The following ZNF277 variants were observed in gnomAD, a reference collection of about 807,000 sequenced individuals.
The protein encoded by ZNF277 is zinc finger protein 277, also known as nuclear receptor-interacting factor 4.
A neutral mutation model predicts 60.7 loss-of-function variants in ZNF277; 55 were observed. The observed-to-expected ratio is 0.91, with a 90% CI of 0.73 to 1.13. ZNF277 has a LOEUF of 1.13. Ranked by LOEUF, ZNF277 falls within the 50% of genes most tolerant of loss-of-function variation. The pLI is 0.00. For synonymous variants in ZNF277, 178 were observed against 179.3 expected, an observed-to-expected ratio of 0.99 and a Z score of 0.06; for missense variants, 510 against 523.0, an observed-to-expected ratio of 0.98 and a Z score of 0.24.
chr7:112,339,507 C>G (rs565377626), intron 9 of ZNF277, among the ~76,000 whole-genome samples: 3 of 152,134 alleles, frequency 2.0e-5, no homozygotes, highest in Non-Finnish European at 4.4e-5. Flanking sequence ...TTAGTAGAGA[C>G]GGGGTTTTGC....
chr7:112,308,472 A>C (rs1485869433), intron 4 of ZNF277, among the ~76,000 whole-genome samples: 2 of 152,044 alleles, frequency 1.3e-5, no homozygotes, highest in Non-Finnish European at 2.9e-5. Flanking sequence ...AGTCGAGATC[A>C]TACCACTGCA....
rs201364999 is a variant in ZNF277 at position 112,307,566 on chromosome 7, C to T, written c.466-10616C>T. ...ACTGCCTGGGATTATAGGCGTGCAC[C>T]AGCATGCCTGGCTAATTTTTTTGTA... On this transcript the variant is annotated intron_variant, in intron 4 of 11. Coordinates refer to ENST00000361822, the MANE Select transcript of ZNF277 (RefSeq NM_021994.3). Among the ~76,000 whole-genome samples, 38 of 152,034 alleles carry T rather than the reference C, an allele frequency of 2.5e-4. 2 individuals carry two copies. The East Asian group carries it at 5.6e-3, about 23-fold the overall frequency.
chr7:112,315,090 A>G (rs4730528), intron 4 of ZNF277, among the ~76,000 whole-genome samples: 8,995 of 152,112 alleles, frequency 0.059, 722 homozygotes, highest in African/African-American at 0.18. Context: ...AAATCCATCC[A>G]TCTGGTATCT....
chr7:112,262,467 A>G (rs1228993280), intron 1 of ZNF277, among the ~76,000 whole-genome samples: 1 of 152,118 alleles, frequency 6.6e-6, no homozygotes, highest in African/African-American at 2.4e-5. Flanking sequence ...TTCAATTTTT[A>G]TAGGGATTGT....
intron 1 of ZNF277, among the ~76,000 whole-genome samples, chr7:112,233,182 G>A (rs780815701): frequency 3.3e-5 from 5 of 152,152 alleles, no homozygotes; most frequent in African/African-American, 9.7e-5. Flanking sequence ...TGATTGTGAT[G>A]CACTTTGCTC....
At chr7:112,302,399 G>T (rs189994303) in intron 4 of ZNF277, among the ~76,000 whole-genome samples, 2 of 152,088 alleles carry the variant, frequency 1.3e-5, no homozygotes, top group East Asian at 1.9e-4. Context: ...CAAACTGAAA[G>T]TAAAAAAATC....
intron 9 of ZNF277, 59 bp downstream of exon 9, chr7:112,337,885 T>C: frequency 7.2e-7 from 1 of 1,379,470 alleles, no homozygotes; most frequent in Non-Finnish European, 1.0e-6. Context: ...AGCTAGTAAT[T>C]GTTGCACCCT....
intron 1 of ZNF277, among the ~76,000 whole-genome samples, chr7:112,209,637 AGTT>A (rs764120505): frequency 1.1e-3 from 171 of 152,354 alleles, no homozygotes; most frequent in Non-Finnish European, 8.4e-4. Flanking sequence ...TATAAGATAA[AGTT>A]GTCATTAAAA....
In ZNF277 at chr7:112,206,757, A is replaced by C; in HGVS notation, c.41A>C (p.Gln14Pro). Residue 14 changes from glutamine (Q) to proline (P), a missense_variant, in exon 1 of 12, where the codon CAG (glutamine) becomes CCG (proline). Physicochemically the swap from Gln to Pro is moderately conservative, Grantham distance 76. Coordinates refer to ENST00000361822, the MANE Select transcript of ZNF277 (RefSeq NM_021994.3). Reference protein sequence around the residue: ...SKTQGAVARMQEDRDGSCSTV... With the variant: ...SKTQGAVARMPEDRDGSCSTV... ...ACCCAGGGGGCTGTCGCCCGAATGC[A>C]GGAAGACCGTGATGGGAGCTGCAGC... 6.2e-7 allele frequency: 1 copy of C among 1,613,112 alleles called. No homozygotes were observed.
chr7:112,340,812 A>C (rs1459998615), intron 10 of ZNF277, 60 bp from the exon 11 acceptor site: 1 of 1,484,624 alleles, frequency 6.7e-7, no homozygotes, highest in Non-Finnish European at 9.2e-7. Flanking sequence ...AAGAAATTAT[A>C]ATAGTGCAAA....
intron 1 of ZNF277, among the ~76,000 whole-genome samples, chr7:112,213,360 T>C (rs1821803935): frequency 6.6e-6 from 1 of 152,220 alleles, no homozygotes; most frequent in Admixed American, 6.5e-5. Flanking sequence ...AATGGACTAA[T>C]ACATTTTGTA....
At chr7:112,250,280 G>T (rs146107261) in intron 1 of ZNF277, among the ~76,000 whole-genome samples, 2 of 152,086 alleles carry the variant, frequency 1.3e-5, no homozygotes, top group African/African-American at 2.4e-5. Flanking sequence ...TGGTCAGACG[G>T]GTTGATCTCA....
intron 1 of ZNF277, among the ~76,000 whole-genome samples, chr7:112,221,118 T>C (rs193180537): frequency 6.6e-6 from 1 of 152,326 alleles, no homozygotes; most frequent in Admixed American, 6.5e-5. Context: ...GCTGGGCTCC[T>C]GATCCAGCGA....
chr7:112,249,189 A>G (rs1791146311), intron 1 of ZNF277, among the ~76,000 whole-genome samples: 1 of 152,170 alleles, frequency 6.6e-6, no homozygotes, highest in Non-Finnish European at 1.5e-5. Context: ...AAGCCTTGGA[A>G]TCTCCACAGT....
At chr7:112,306,308 G>A (rs1022498600) in intron 4 of ZNF277, among the ~76,000 whole-genome samples, 3 of 147,596 alleles carry the variant, frequency 2.0e-5, no homozygotes, top group Non-Finnish European at 3.0e-5. Context: ...TCCGCCTTCC[G>A]AATTCAAGTG....
intron 4 of ZNF277, among the ~76,000 whole-genome samples, chr7:112,314,859 A>G (rs557828519): frequency 3.9e-5 from 6 of 152,266 alleles, no homozygotes; most frequent in African/African-American, 1.4e-4. Flanking sequence ...GCCATGCTAA[A>G]TACTGGGGAT....
intron 5 of ZNF277, among the ~76,000 whole-genome samples, chr7:112,321,532 TTTAC>T: frequency 6.6e-6 from 1 of 152,144 alleles, no homozygotes; most frequent in Non-Finnish European, 1.5e-5. Flanking sequence ...GTATTTCATA[TTTAC>T]TTATGTAATT....
At chr7:112,236,764 A>G (rs1790805986) in intron 1 of ZNF277, among the ~76,000 whole-genome samples, 1 of 152,100 alleles carries the variant, frequency 6.6e-6, no homozygotes, top group Non-Finnish European at 1.5e-5. Flanking sequence ...AATTTTAGAA[A>G]TATTTATGTT....
At chr7:112,266,755 CTT>C (rs982256124) in intron 1 of ZNF277, among the ~76,000 whole-genome samples, 1 of 152,148 alleles carries the variant, frequency 6.6e-6, no homozygotes, top group African/African-American at 2.4e-5. Context: ...TCACCAAAAA[CTT>C]GTAATATCAG....
Sources: allele counts gnomAD v4.1 joint callset (sites outside exome capture counted in the v4.1 genomes callset), GRCh38; gene constraint gnomAD v4.1.1; transcripts MANE v1.5; gene names NCBI Gene and HGNC (gene_info 2026-07-23, HGNC 2026-07-21).